CTNNA2: variants seen among roughly 807,000 people sequenced by gnomAD.
CTNNA2 encodes catenin alpha 2, also known as catenin alpha-2.
Under a neutral mutation model 101.0 loss-of-function variants are expected in CTNNA2, and 42 were observed. The observed-to-expected ratio is 0.42, with a 90% CI of 0.32 to 0.54. The LOEUF (loss-of-function observed/expected upper bound fraction) is 0.54. Among genes scored for constraint, CTNNA2 ranks in the 20% least tolerant of loss-of-function variants. The pLI is 0.14. For synonymous variants in CTNNA2, 450 were observed against 456.4 expected, an observed-to-expected ratio of 0.99 and a Z score of 0.18; for missense variants, 871 against 1,223.1, an observed-to-expected ratio of 0.71 and a Z score of 4.29.
chr2:80,046,694 A>G (rs1696551930), intron 7 of CTNNA2, among the ~76,000 whole-genome samples: 1 of 152,230 alleles, frequency 6.6e-6, no homozygotes, highest in South Asian at 2.1e-4. Context: ...GGATTTGTCC[A>G]CCAAAGGACT....
chr2:80,581,666 A>T (rs1222252090), intron 13 of CTNNA2, 40 bp from the exon 14 acceptor site: 3 of 1,288,214 alleles, frequency 2.3e-6, no homozygotes, highest in Non-Finnish European at 3.4e-6. Flanking sequence ...GGTGAAGATT[A>T]TCAATTTAAG....
intron 9 of CTNNA2, among the ~76,000 whole-genome samples, chr2:80,426,539 G>A (rs1371446477): frequency 6.6e-6 from 1 of 151,996 alleles, no homozygotes; most frequent in African/African-American, 2.4e-5. Flanking sequence ...TATCTGCCTG[G>A]CCCTCTACAG....
chr2:79,512,840 G>A (rs951638726), upstream of CTNNA2, among the ~76,000 whole-genome samples: 1 of 151,046 alleles, frequency 6.6e-6, no homozygotes, highest in African/African-American at 2.4e-5. Flanking sequence ...GCCACCCCTC[G>A]ATGCCCGGTG....
At position 80,302,149 on chromosome 2, in the gene CTNNA2, A is replaced by G. The variant is rs1676379408; in HGVS notation, c.1057-91062A>G. 4 of 1,413,312 alleles carry G rather than the reference A, an allele frequency of 2.8e-6. No homozygotes were observed. The highest frequency in any genetic ancestry group is 2.4e-5 in the East Asian group (1 of 42,432). The allele number at this position is 1,413,312 out of a possible 1,614,324, so 87.5% of individuals were successfully genotyped here. A position where few individuals can be genotyped will look rare whatever the true frequency, so the allele number is the denominator to read the frequency against. On this transcript the variant is annotated intron_variant, in intron 7 of 18. Transcript: ENST00000402739. This position sits in a 1 kb window ranked among gnomAD's most constrained non-coding sequence, Gnocchi z 6.4. ...CCCCTTAAAGTTTCAGTCAAGGAGC[A>G]TATCAGAGCACAGACAAGGAGACCC...
intron 3 of CTNNA2, among the ~76,000 whole-genome samples, chr2:79,762,095 T>A (rs1439631793): frequency 6.6e-6 from 1 of 152,224 alleles, no homozygotes; most frequent in African/African-American, 2.4e-5. Context: ...GCCTATTTAA[T>A]CTTTGGTCTT....
At chr2:80,629,518 GA>G (rs1215736906) in intron 18 of CTNNA2, among the ~76,000 whole-genome samples, 1 of 152,006 alleles carries the variant, frequency 6.6e-6, no homozygotes, top group Non-Finnish European at 1.5e-5. Flanking sequence ...ATGATTCATG[GA>G]TCACACTTTT....
At chr2:80,557,358 C>T (rs1169998272) in intron 12 of CTNNA2, among the ~76,000 whole-genome samples, 1 of 152,050 alleles carries the variant, frequency 6.6e-6, no homozygotes, top group Non-Finnish European at 1.5e-5. Context: ...GTATTTTTTT[C>T]CCTAATTCTC....
chr2:80,484,110 C>T (rs1259958631), intron 9 of CTNNA2, among the ~76,000 whole-genome samples: 1 of 151,914 alleles, frequency 6.6e-6, no homozygotes, highest in Non-Finnish European at 1.5e-5. Flanking sequence ...TAAAGTACCA[C>T]CAAAGTATTG....
intron 1 of CTNNA2, among the ~76,000 whole-genome samples, chr2:79,519,390 C>G (rs912435406): frequency 3.4e-4 from 51 of 152,022 alleles, no homozygotes; most frequent in African/African-American, 1.1e-3. Flanking sequence ...GCTCAATGCT[C>G]TCATTGAGCT....
chr2:79,989,527 C>G (rs940075022), intron 7 of CTNNA2, among the ~76,000 whole-genome samples: 1 of 152,062 alleles, frequency 6.6e-6, no homozygotes, highest in Non-Finnish European at 1.5e-5. Flanking sequence ...GTCCCAGTTA[C>G]TTGGGAGGCT....
intron 4 of CTNNA2, among the ~76,000 whole-genome samples, chr2:79,434,518 A>G (rs1053038182): frequency 6.6e-6 from 1 of 152,202 alleles, no homozygotes; most frequent in African/African-American, 2.4e-5. Flanking sequence ...CCTAATGCCA[A>G]TGGACGCCAG....
chr2:80,606,412 ACC>A (rs1553407272), intron 16 of CTNNA2, among the ~76,000 whole-genome samples: 6,237 of 48,452 alleles, frequency 0.13, 167 homozygotes, highest in Middle Eastern at 0.17. Context: ...ACACACACAC[ACC>A]CCCCAGGATA....
intron 3 of CTNNA2, among the ~76,000 whole-genome samples, chr2:79,792,190 T>C (rs561787939): frequency 2.6e-5 from 4 of 152,296 alleles, no homozygotes; most frequent in African/African-American, 9.6e-5. Flanking sequence ...CAGTTCTCTA[T>C]GGATCTCTCA....
chr2:79,533,617 G>A (rs541680988), intron 1 of CTNNA2, among the ~76,000 whole-genome samples: 1 of 152,196 alleles, frequency 6.6e-6, no homozygotes, highest in African/African-American at 2.4e-5. Context: ...CCCCTAAACT[G>A]ATTGAGATCT....
At chr2:79,226,872 G>C (rs1458435956) in intron 2 of CTNNA2, among the ~76,000 whole-genome samples, 1 of 152,040 alleles carries the variant, frequency 6.6e-6, no homozygotes, top group African/African-American at 2.4e-5. Flanking sequence ...TTAGCAACAG[G>C]CTCTTGTGCA....
At chr2:79,962,682 G>A (rs138268841) in intron 7 of CTNNA2, among the ~76,000 whole-genome samples, 1 of 152,178 alleles carries the variant, frequency 6.6e-6, no homozygotes, top group Non-Finnish European at 1.5e-5. Context: ...CCGACTGGTA[G>A]GTCCCTCTTT....
At chr2:79,785,363 T>A (rs1378278491) in intron 3 of CTNNA2, among the ~76,000 whole-genome samples, 1 of 152,172 alleles carries the variant, frequency 6.6e-6, no homozygotes, top group African/African-American at 2.4e-5. Flanking sequence ...GCCAACCATC[T>A]TTCATCCTCG....
intron 2 of CTNNA2, among the ~76,000 whole-genome samples, chr2:79,256,351 A>G (rs1204167230): frequency 1.3e-5 from 2 of 152,196 alleles, no homozygotes; most frequent in Non-Finnish European, 2.9e-5. Flanking sequence ...TTAAATAAAG[A>G]TATAACTCAG....
chr2:79,721,974 G>GA (rs900628833), intron 2 of CTNNA2, among the ~76,000 whole-genome samples: 9 of 151,654 alleles, frequency 5.9e-5, no homozygotes, highest in African/African-American at 1.9e-4. Flanking sequence ...AAAGAAATAA[G>GA]AAAAAAAATG....
Sources: gnomAD v4.1 joint callset for allele counts (sites outside exome capture counted in the v4.1 genomes callset) on GRCh38, gnomAD v4.1.1 for gene constraint, Gnocchi (gnomAD v3.1) non-coding constraint, MANE v1.5 for transcripts, NCBI Gene and HGNC (gene_info 2026-07-23, HGNC 2026-07-21) for gene names.